OXR1: variants seen among roughly 807,000 people sequenced by gnomAD.
The protein encoded by OXR1 is oxidation resistance 1, also known as oxidation resistance protein 1.
Under a neutral mutation model 104.6 loss-of-function variants are expected in OXR1, and 41 were observed. The ratio of observed to expected loss-of-function variants is 0.39; its 90% confidence interval spans 0.31 to 0.51. The LOEUF (loss-of-function observed/expected upper bound fraction) is 0.51. OXR1 is among the 20% of genes least tolerant of loss of function. The pLI, the probability that OXR1 is intolerant of heterozygous loss-of-function variation, is 0.77. For synonymous variants in OXR1, 348 were observed against 348.4 expected (o/e 1.00, Z 0.01); for missense variants, 955 against 1,031.9 (o/e 0.93, Z 1.02).
At chr8:106,336,392 A>T (rs1814967793) in intron 1 of OXR1, among the ~76,000 whole-genome samples, 1 of 152,232 alleles carries the variant, frequency 6.6e-6, no homozygotes, top group Admixed American at 6.5e-5. Context: ...ATTGTGTTCC[A>T]TCAGGGTACC....
intron 3 of OXR1, among the ~76,000 whole-genome samples, chr8:106,671,077 C>T (rs1236624506): frequency 1.7e-5 from 2 of 115,794 alleles, no homozygotes; most frequent in African/African-American, 4.1e-5. Flanking sequence ...TGGCTGAAAA[C>T]GTCCAAACTA....
chr8:106,469,389 A>G (rs971508324), intron 2 of OXR1, among the ~76,000 whole-genome samples: 11 of 151,826 alleles, frequency 7.2e-5, no homozygotes, highest in Non-Finnish European at 1.5e-5. Context: ...CCATATGTCT[A>G]CTTCTGATCC....
At chr8:106,566,470 A>G (rs1817083536) in intron 3 of OXR1, among the ~76,000 whole-genome samples, 3 of 152,248 alleles carry the variant, frequency 2.0e-5, no homozygotes, top group Admixed American at 6.5e-5. Flanking sequence ...TCAGGAAACA[A>G]GAAATGCTGG....
chr8:106,553,089 G>A (rs1196731970), intron 3 of OXR1, among the ~76,000 whole-genome samples: 4 of 152,056 alleles, frequency 2.6e-5, no homozygotes, highest in Non-Finnish European at 5.9e-5. Context: ...AAAAAAAATT[G>A]TAGGCATAAA....
At chr8:106,691,545 T>G (rs1829275827) in intron 6 of OXR1, among the ~76,000 whole-genome samples, 1 of 151,020 alleles carries the variant, frequency 6.6e-6, no homozygotes, top group Non-Finnish European at 1.5e-5. Context: ...TCAGGTAACC[T>G]CAGAGATCAT....
At chr8:106,589,628 C>T (rs573471607) in intron 3 of OXR1, among the ~76,000 whole-genome samples, 6 of 152,244 alleles carry the variant, frequency 3.9e-5, no homozygotes, top group Non-Finnish European at 1.5e-5. Context: ...TTCCTTGGAA[C>T]TAGACTGTGA....
intron 2 of OXR1, among the ~76,000 whole-genome samples, chr8:106,458,050 A>T (rs1352392368): frequency 2.6e-5 from 4 of 152,172 alleles, no homozygotes; most frequent in African/African-American, 7.2e-5. Context: ...CATAAAGAAT[A>T]AAAAAGCATG....
rs1047387864 is a variant in OXR1 at position 106,274,233 on chromosome 8, A to G, written c.-139+3866A>G. On this transcript the variant is annotated intron_variant, in intron 1 of 16. Coordinates refer to ENST00000517566, the MANE Select transcript of OXR1 (RefSeq NM_001198533.2). ...TCAAGCCTTTCGATTCCGTAGCACA[A>G]TACGTTGCCTAGAAAGGAGGAACAA... Among the ~76,000 whole-genome samples, 62 of 152,224 alleles carry G rather than the reference A, an allele frequency of 4.1e-4. 2 individuals are homozygous for G. Among genetic ancestry groups the G allele is most frequent in the Non-Finnish European group, 8.8e-5 (6 of 68,046 alleles).
intron 1 of OXR1, among the ~76,000 whole-genome samples, chr8:106,357,745 T>C (rs966186144): frequency 6.6e-6 from 1 of 152,160 alleles, no homozygotes; most frequent in Non-Finnish European, 1.5e-5. Context: ...AGCTGAAGTT[T>C]GATATTTAAA....
chr8:106,529,148 T>C (rs547481819), intron 3 of OXR1, among the ~76,000 whole-genome samples: 1 of 152,174 alleles, frequency 6.6e-6, no homozygotes, highest in Admixed American at 6.5e-5. Context: ...ATATGGAATT[T>C]TTTTTTATCA....
chr8:106,402,211 AC>A lies in OXR1; in HGVS notation c.23+42576del, dbSNP rs1211290253. ...TCCATCTGTCTTCTCCACAGATCAC[AC>A]AGATGAATTGAATAGTAATATGATG... On this transcript the variant is annotated intron_variant, in intron 2 of 16. Coordinates refer to ENST00000517566, the MANE Select transcript of OXR1 (RefSeq NM_001198533.2). Among the ~76,000 whole-genome samples, 4 of 152,210 alleles carry A rather than the reference AC, an allele frequency of 2.6e-5. No individual in the cohort carries two copies. The East Asian group carries it at 7.7e-4, about 29-fold the overall frequency.
intron 3 of OXR1, among the ~76,000 whole-genome samples, chr8:106,551,697 C>G (rs1789969): frequency 0.076 from 11,493 of 151,202 alleles, 492 homozygotes; most frequent in Middle Eastern, 0.097. Flanking sequence ...CCTGTAATCC[C>G]AGCACTTTCG....
At chr8:106,509,120 G>A (rs368684294) in intron 2 of OXR1, among the ~76,000 whole-genome samples, 27 of 152,242 alleles carry the variant, frequency 1.8e-4, no homozygotes, top group Middle Eastern at 3.4e-3. Context: ...TGGCAATAGC[G>A]TGTTACAAAT....
At chr8:106,677,188 TTAA>T (rs1270150009) in intron 3 of OXR1, among the ~76,000 whole-genome samples, 2 of 151,844 alleles carry the variant, frequency 1.3e-5, no homozygotes, top group African/African-American at 4.8e-5. Context: ...AATTGCAAGT[TTAA>T]TTTGCTATTC....
intron 3 of OXR1, among the ~76,000 whole-genome samples, chr8:106,593,905 C>A (rs1481188666): frequency 6.6e-6 from 1 of 152,182 alleles, no homozygotes; most frequent in African/African-American, 2.4e-5. Context: ...GATTGGACAT[C>A]CTGCCAAGCC....
At chr8:106,626,818 A>G (rs974567730) in intron 3 of OXR1, among the ~76,000 whole-genome samples, 1 of 150,808 alleles carries the variant, frequency 6.6e-6, no homozygotes, top group African/African-American at 2.4e-5. Flanking sequence ...AATATTTCAA[A>G]TTAATTTTTA....
intron 1 of OXR1, among the ~76,000 whole-genome samples, chr8:106,277,465 A>T (rs1021207388): frequency 6.6e-6 from 1 of 152,186 alleles, no homozygotes; most frequent in Non-Finnish European, 1.5e-5. Flanking sequence ...TGCCCTTGCA[A>T]GTGATCATTT....
intron 1 of OXR1, among the ~76,000 whole-genome samples, chr8:106,302,354 G>A (rs1302663267): frequency 2.0e-5 from 3 of 152,022 alleles, no homozygotes; most frequent in African/African-American, 4.8e-5. Context: ...AGGCCGAGGC[G>A]GGTGGATCAC....
At chr8:106,400,137 T>C (rs1817943352) in intron 2 of OXR1, among the ~76,000 whole-genome samples, 1 of 152,188 alleles carries the variant, frequency 6.6e-6, no homozygotes, top group Admixed American at 6.6e-5. Flanking sequence ...ACTATTTTGA[T>C]TGTTGTTTCA....
Sources: allele counts gnomAD v4.1 joint callset (sites outside exome capture counted in the v4.1 genomes callset), GRCh38; gene constraint gnomAD v4.1.1; transcripts MANE v1.5; gene names NCBI Gene and HGNC (gene_info 2026-07-23, HGNC 2026-07-21).